CDK5RAP1: variants seen among roughly 807,000 people sequenced by gnomAD.
CDK5RAP1 encodes mitochondrial tRNA methylthiotransferase CDK5RAP1.
CDK5RAP1 carries 62 observed loss-of-function variants against 64.5 expected under a neutral mutation model. The observed-to-expected ratio is 0.96, with a 90% confidence interval of 0.78 to 1.19. The LOEUF (loss-of-function observed/expected upper bound fraction) is 1.19. CDK5RAP1 is among the 50% of genes most tolerant of loss of function. The pLI, the probability that CDK5RAP1 is intolerant of heterozygous loss-of-function variation, is 0.00. For missense variants in CDK5RAP1, 657 were observed against 735.0 expected (o/e 0.89, Z 1.23); for synonymous variants, 250 against 261.9 (o/e 0.95, Z 0.44).
chr20:33,389,193 G>A (rs551955743), intron 5 of CDK5RAP1, among the ~76,000 whole-genome samples: 5 of 151,422 alleles, frequency 3.3e-5, no homozygotes, highest in African/African-American at 4.9e-5. Context: ...GTCTCTGCCC[G>A]GCCACCCATC....
intron 5 of CDK5RAP1, among the ~76,000 whole-genome samples, chr20:33,387,842 G>C (rs568581794): frequency 2.0e-5 from 3 of 152,068 alleles, no homozygotes; most frequent in Admixed American, 2.0e-4. Flanking sequence ...CGAGGCAGGC[G>C]GATCACCTGA....
chr20:33,364,918 T>C (rs1238821959), intron 12 of CDK5RAP1, among the ~76,000 whole-genome samples: 2 of 151,790 alleles, frequency 1.3e-5, no homozygotes, highest in African/African-American at 2.4e-5. Flanking sequence ...TGTATTTTTT[T>C]TGATACAGAC....
intron 12 of CDK5RAP1, among the ~76,000 whole-genome samples, chr20:33,364,497 T>A (rs775426083): frequency 6.6e-6 from 1 of 152,088 alleles, no homozygotes; most frequent in Non-Finnish European, 1.5e-5. Flanking sequence ...CGAAGAAGTA[T>A]CTTATACTTG....
At chr20:33,384,070 T>G (rs998990129) in intron 7 of CDK5RAP1, among the ~76,000 whole-genome samples, 3 of 152,146 alleles carry the variant, frequency 2.0e-5, no homozygotes, top group African/African-American at 7.2e-5. Context: ...TTTAGAAGAC[T>G]TCCAATAGAT....
chr20:33,396,078 G>C lies in CDK5RAP1; in HGVS notation c.304+683C>G, dbSNP rs73270006. ...GTTCATCAGCCTGAAGGGAAAATAAGTTTAAATCCACATGTTACACTCCTC... is the reference window on the plus strand; with the variant it reads ...GTTCATCAGCCTGAAGGGAAAATAACTTTAAATCCACATGTTACACTCCTC... On this transcript the variant is annotated intron_variant, in intron 2 of 13. Coordinates refer to ENST00000346416, the MANE Select transcript of CDK5RAP1 (RefSeq NM_016408.4). 4.0e-3 allele frequency among the ~76,000 whole-genome samples: 611 copies of C among 152,214 alleles called. 7 individuals are homozygous for C. Among genetic ancestry groups the C allele is most frequent in the African/African-American group, 0.014 (574 of 41,542 alleles).
chr20:33,362,960 T>G (rs1431361300), intron 12 of CDK5RAP1, among the ~76,000 whole-genome samples: 1 of 152,186 alleles, frequency 6.6e-6, no homozygotes, highest in Admixed American at 6.5e-5. Context: ...TACAAAATAC[T>G]TACTAGTTAC....
At position 33,387,328 on chromosome 20, in the gene CDK5RAP1, G is replaced by A; in HGVS notation, c.750C>T (p.Ala250=). 1.9e-6 allele frequency: 3 copies of A among 1,612,434 alleles called. No homozygotes were observed. Among genetic ancestry groups the A allele is most frequent in the Non-Finnish European group, 2.5e-6 (3 of 1,178,804 alleles). The change falls in exon 6 of 14, where the codon GCC becomes GCT. Residue 250 remains alanine, a synonymous_variant. Transcript: ENST00000346416. ...TCTCTTAGGCAGTGACTCACACAAAGGCAGACGTGGCACTGGCGCTTGTCT... is the reference window on the plus strand; with the variant it reads ...TCTCTTAGGCAGTGACTCACACAAAAGCAGACGTGGCACTGGCGCTTGTCT... ...PVQTSASATS[A]FVSIMRGCDN...
intron 8 of CDK5RAP1, among the ~76,000 whole-genome samples, chr20:33,376,450 G>C (rs291707): frequency 6.6e-6 from 1 of 152,030 alleles, no homozygotes; most frequent in Non-Finnish European, 1.5e-5. Flanking sequence ...GGATTACAGG[G>C]ATGAGCCACC....
intron 8 of CDK5RAP1, among the ~76,000 whole-genome samples, chr20:33,376,277 T>A (rs560877637): frequency 6.6e-6 from 1 of 152,038 alleles, no homozygotes; most frequent in Non-Finnish European, 1.5e-5. Context: ...TGAGCTGAGA[T>A]CGCACCACCG....
chr20:33,388,314 G>A (rs1053381462), intron 5 of CDK5RAP1, among the ~76,000 whole-genome samples: 3 of 151,910 alleles, frequency 2.0e-5, no homozygotes, highest in Non-Finnish European at 1.5e-5. Context: ...TGTTATTAAA[G>A]TTATAATATC....
At position 33,372,705 on chromosome 20, in the gene CDK5RAP1, A is replaced by G; in HGVS notation, c.1206-8T>C. On this transcript the variant is annotated splice_region_variant and splice_polypyrimidine_tract_variant and intron_variant, in intron 9 of 13. Transcript: ENST00000346416. The stretch of plus-strand genomic sequence containing the variant: ...TAAGCTTCTCTTGAATATCTGCAAT[A>G]AAGAACAAAAGGAAAAGGCCTACAT... The G allele has an allele frequency of 6.3e-7, 1 of 1,576,324 alleles. No homozygotes were observed. The highest frequency in any genetic ancestry group is 1.1e-5 in the South Asian group (1 of 87,696).
chr20:33,379,394 C>A, intron 8 of CDK5RAP1, 67 bp downstream of exon 8: 1 of 1,154,870 alleles, frequency 8.7e-7, no homozygotes, highest in Non-Finnish European at 1.3e-6. Context: ...TGCATCCCTA[C>A]TGGGTCCAGC....
chr20:33,368,122 C>T (rs1286871535), intron 11 of CDK5RAP1, among the ~76,000 whole-genome samples: 4 of 152,152 alleles, frequency 2.6e-5, no homozygotes, highest in East Asian at 3.8e-4. Flanking sequence ...CCCAATGTCA[C>T]GTAGTTATTA....
chr20:33,389,634 C>T (rs1190308550), intron 5 of CDK5RAP1, among the ~76,000 whole-genome samples: 17 of 151,374 alleles, frequency 1.1e-4, no homozygotes, highest in African/African-American at 3.2e-4. Flanking sequence ...AGGTGGGGGG[C>T]GCCTCTGCCC....
chr20:33,373,983 C>T (rs551414871), intron 9 of CDK5RAP1, 132 bp downstream of exon 9: 65 of 704,528 alleles, frequency 9.2e-5, no homozygotes, highest in Non-Finnish European at 1.5e-4. Flanking sequence ...GTGGCTTAGT[C>T]ATACAATAAA....
chr20:33,396,546 C>T (rs569443617), intron 2 of CDK5RAP1, among the ~76,000 whole-genome samples: 1 of 152,250 alleles, frequency 6.6e-6, no homozygotes, highest in African/African-American at 2.4e-5. Context: ...GCAATCCACC[C>T]ATCTTGGCCT....
At chr20:33,393,931 G>A in intron 4 of CDK5RAP1, 101 bp downstream of exon 4, 1 of 831,064 alleles carries the variant, frequency 1.2e-6, no homozygotes, top group East Asian at 2.4e-5. Flanking sequence ...TACTGCCATG[G>A]GGCCACTGGC....
rs763661626 is a variant in CDK5RAP1 at position 33,396,946 on chromosome 20, A to G, written c.119T>C (p.Met40Thr). 13 of 1,614,058 alleles carry G rather than the reference A, an allele frequency of 8.1e-6. No individual in the cohort carries two copies. In the African/African-American group the frequency reaches 1.5e-4, roughly 18 times the overall value. Residue 40 changes from methionine to threonine, a missense_variant, in exon 2 of 14, where the codon ATG (methionine) becomes ACG (threonine). Transcript: ENST00000346416. ...CRAHSSLSST[M>T]CPSPERQEDG... ...CTCCTGCCTCTCTGGACTGGGACAC[A>G]TGGTACTAGAGAGACTGCTGTGTGC... is the stretch of plus-strand genomic sequence containing the variant.
chr20:33,379,200 A>C (rs1046037808), intron 8 of CDK5RAP1, among the ~76,000 whole-genome samples: 1 of 152,164 alleles, frequency 6.6e-6, no homozygotes, highest in African/African-American at 2.4e-5. Flanking sequence ...CATGTTGCCC[A>C]GGCTGGTTTC....
Sources: gnomAD v4.1 joint callset for allele counts (sites outside exome capture counted in the v4.1 genomes callset) on GRCh38, gnomAD v4.1.1 for gene constraint, MANE v1.5 for transcripts, NCBI Gene and HGNC (gene_info 2026-07-23, HGNC 2026-07-21) for gene names.